SV2C: variants seen among roughly 807,000 people sequenced by gnomAD.
The protein encoded by SV2C is solute carrier family 22 member B3.
In SV2C, 49 loss-of-function variants were observed where a neutral mutation model predicts 79.7. The ratio of observed to expected loss-of-function variants is 0.61; its 90% CI spans 0.49 to 0.78. The LOEUF is 0.78. Ranked by LOEUF, SV2C falls within the 30% of genes least tolerant of loss-of-function variation. The pLI, the probability that SV2C is intolerant of heterozygous loss-of-function variation, is 0.00. For missense variants in SV2C, 833 were observed against 912.9 expected (o/e 0.91, Z 1.13); for synonymous variants, 334 against 333.2 (o/e 1.00, Z -0.03).
intron 1 of SV2C, among the ~76,000 whole-genome samples, chr5:76,130,709 T>C (rs1312501990): frequency 1.3e-5 from 2 of 152,100 alleles, no homozygotes; most frequent in African/African-American, 2.4e-5. Context: ...ATGAGGGGAC[T>C]ATCAGTGAAA....
chr5:76,318,188 G>A (rs1353875766), intron 12 of SV2C, among the ~76,000 whole-genome samples: 1 of 152,212 alleles, frequency 6.6e-6, no homozygotes, highest in South Asian at 2.1e-4. Context: ...GGGAGGCCGA[G>A]GCGGGCAGAT....
At chr5:76,153,575 C>T (rs1380460349) in intron 2 of SV2C, among the ~76,000 whole-genome samples, 1 of 152,146 alleles carries the variant, frequency 6.6e-6, no homozygotes, top group Non-Finnish European at 1.5e-5. Context: ...TGAGAGTTTA[C>T]AGGCCAGAGA....
the SV2C span, among the ~76,000 whole-genome samples, chr5:75,985,153 C>T: frequency 9.2e-5 from 14 of 151,894 alleles, no homozygotes; most frequent in East Asian, 2.7e-3. Context: ...GCAAAAAGAT[C>T]ACATGGGAGA....
intron 2 of SV2C, among the ~76,000 whole-genome samples, chr5:76,140,364 T>C (rs919215585): frequency 6.6e-6 from 1 of 152,216 alleles, no homozygotes; most frequent in Non-Finnish European, 1.5e-5. Flanking sequence ...GGAAGGGTAG[T>C]TTCTTTGAGA....
intron 4 of SV2C, among the ~76,000 whole-genome samples, chr5:76,255,323 T>G (rs1746231563): frequency 6.6e-6 from 1 of 152,184 alleles, no homozygotes; most frequent in South Asian, 2.1e-4. Flanking sequence ...CACAAACGCA[T>G]TCTGGTTATA....
At chr5:75,869,392 G>A in the SV2C span, among the ~76,000 whole-genome samples, 1 of 152,216 alleles carries the variant, frequency 6.6e-6, no homozygotes, top group Non-Finnish European at 1.5e-5. Flanking sequence ...GCCTGTGGTG[G>A]TAACGGCCAC....
At chr5:75,876,450 G>GA in the SV2C span, among the ~76,000 whole-genome samples, 9 of 152,132 alleles carry the variant, frequency 5.9e-5, no homozygotes, top group African/African-American at 2.2e-4. Flanking sequence ...GAGAGGAGCA[G>GA]AAAAGATGAC....
At chr5:76,063,787 C>T in the SV2C span, among the ~76,000 whole-genome samples, 6 of 152,140 alleles carry the variant, frequency 3.9e-5, no homozygotes, top group Non-Finnish European at 8.8e-5. Flanking sequence ...TTCAACACCA[C>T]AGTTTTATAA....
chr5:76,180,738 A>C (rs1743694125), intron 2 of SV2C, among the ~76,000 whole-genome samples: 1 of 152,160 alleles, frequency 6.6e-6, no homozygotes, highest in African/African-American at 2.4e-5. Flanking sequence ...GGACGGGCCC[A>C]AAGGTCTTTT....
chr5:76,032,802 A>G, the SV2C span, among the ~76,000 whole-genome samples: 5 of 152,294 alleles, frequency 3.3e-5, no homozygotes, highest in African/African-American at 1.2e-4. Context: ...TTCTAGCTCT[A>G]GACCCCGGAA....
chr5:76,141,806 A>G (rs1749259425), intron 2 of SV2C, among the ~76,000 whole-genome samples: 1 of 141,658 alleles, frequency 7.1e-6, no homozygotes. Context: ...CCTGGGTGAC[A>G]GAGCAAAAGT....
chr5:76,195,158 C>T (rs1480126581), intron 3 of SV2C, 59 bp downstream of exon 3: 1 of 1,548,196 alleles, frequency 6.5e-7, no homozygotes, highest in Non-Finnish European at 8.8e-7. Context: ...ATTCTCCACT[C>T]TAGAGAACCT....
At chr5:75,915,574 A>T in the SV2C span, among the ~76,000 whole-genome samples, 1,290 of 152,364 alleles carry the variant, frequency 8.5e-3, 16 homozygotes, top group African/African-American at 0.027. Context: ...GTAACAACTC[A>T]ACATTTGTTA....
At chr5:76,200,533 C>A (rs1037517847) in intron 3 of SV2C, among the ~76,000 whole-genome samples, 2 of 152,222 alleles carry the variant, frequency 1.3e-5, no homozygotes, top group Non-Finnish European at 2.9e-5. Context: ...ATCAAAAATG[C>A]TACAGATTTC....
chr5:76,190,808 G>T (rs1744077030), intron 2 of SV2C, among the ~76,000 whole-genome samples: 1 of 152,156 alleles, frequency 6.6e-6, no homozygotes, highest in African/African-American at 2.4e-5. Context: ...GAGTAACAAA[G>T]CTTTATTTAA....
At chr5:75,954,436 C>G in the SV2C span, among the ~76,000 whole-genome samples, 1 of 151,912 alleles carries the variant, frequency 6.6e-6, no homozygotes, top group Admixed American at 6.6e-5. Flanking sequence ...TAGCCAATAC[C>G]ACACTGAATG....
At chr5:75,962,912 CTGTT>C in the SV2C span, among the ~76,000 whole-genome samples, 1 of 152,110 alleles carries the variant, frequency 6.6e-6, no homozygotes, top group Non-Finnish European at 1.5e-5. Flanking sequence ...AATATAAAAA[CTGTT>C]TGCTCAAAAG....
the SV2C span, among the ~76,000 whole-genome samples, chr5:75,856,980 G>A: frequency 0.015 from 2,105 of 139,864 alleles, 48 homozygotes; most frequent in African/African-American, 0.052. Flanking sequence ...TTTTTGGGAC[G>A]GAGTCTCGCT....
At chr5:76,037,340 G>GT in the SV2C span, among the ~76,000 whole-genome samples, 3 of 152,192 alleles carry the variant, frequency 2.0e-5, no homozygotes, top group Non-Finnish European at 4.4e-5. Context: ...AGAGTTTCCA[G>GT]TTTCTCTGCT....
Sources: allele counts gnomAD v4.1 joint callset (sites outside exome capture counted in the v4.1 genomes callset), GRCh38; gene constraint gnomAD v4.1.1; transcripts MANE v1.5; gene names NCBI Gene and HGNC (gene_info 2026-07-23, HGNC 2026-07-21).